Variants in RHBDF2 observed in about 807,000 individuals in gnomAD.
RHBDF2 encodes the protein rhomboid 5 homolog 2.
A neutral mutation model predicts 95.2 loss-of-function variants in RHBDF2; 38 were observed. That is an observed-to-expected ratio of 0.40 (90% CI 0.31 to 0.52). RHBDF2 has a LOEUF of 0.52. Ranked by LOEUF, RHBDF2 falls within the 20% of genes least tolerant of loss-of-function variation. RHBDF2 has a pLI of 0.56. For missense variants in RHBDF2, 863 were observed against 1,137.7 expected (o/e 0.76, Z 3.47); for synonymous variants, 442 against 462.0 (o/e 0.96, Z 0.55).
chr17:76,474,849 C>T (rs759597410), intron 10 of RHBDF2, 45 bp from the exon 11 acceptor site: 1 of 1,595,172 alleles, frequency 6.3e-7, no homozygotes, highest in Non-Finnish European at 8.6e-7. Flanking sequence ...ACAGTGTGGG[C>T]CCTGGGCATG....
At chr17:76,480,333 C>T (rs987688495) in intron 3 of RHBDF2, among the ~76,000 whole-genome samples, 15 of 150,700 alleles carry the variant, frequency 1.0e-4, no homozygotes, top group Non-Finnish European at 5.9e-5. Flanking sequence ...GTGATCTGGC[C>T]GCCTCGGCCT....
intron 1 of RHBDF2, among the ~76,000 whole-genome samples, chr17:76,493,502 G>A (rs2074357503): frequency 6.8e-6 from 1 of 146,590 alleles, no homozygotes; most frequent in South Asian, 2.2e-4. Flanking sequence ...CTGGCTGGGG[G>A]CCTGGGGGCA....
chr17:76,486,105 CACACACACACAT>C (rs1375187880), intron 2 of RHBDF2, among the ~76,000 whole-genome samples: 3 of 137,412 alleles, frequency 2.2e-5, no homozygotes, highest in Non-Finnish European at 4.9e-5. Flanking sequence ...CACACACACA[CACACACACACAT>C]ATAGTTTTTG....
chr17:76,488,778 CT>C (rs1598696012), intron 1 of RHBDF2, among the ~76,000 whole-genome samples: 3 of 152,132 alleles, frequency 2.0e-5, no homozygotes, highest in Non-Finnish European at 4.4e-5. Context: ...GAAACCCCAT[CT>C]CTACTAAAAA....
At chr17:76,478,613 C>T (rs1039416414) in intron 6 of RHBDF2, among the ~76,000 whole-genome samples, 193 bp downstream of exon 6, 2 of 152,168 alleles carry the variant, frequency 1.3e-5, no homozygotes, top group South Asian at 4.1e-4. Context: ...AGATTTAAGA[C>T]AGAAGGATGG....
chr17:76,474,631 A>AGG (rs1370554425), intron 11 of RHBDF2, 97 bp from the exon 12 acceptor site: 1 of 1,611,622 alleles, frequency 6.2e-7, no homozygotes, highest in East Asian at 2.2e-5. Flanking sequence ...TCCCCTGATG[A>AGG]GGGGCCTGCG....
intron 2 of RHBDF2, chr17:76,487,371 C>T (rs913784552): frequency 6.6e-6 from 1 of 152,340 alleles, no homozygotes; most frequent in African/African-American, 2.4e-5. Flanking sequence ...GCCTCAGCCT[C>T]CCAAGTAGCT....
intron 6 of RHBDF2, 21 bp downstream of exon 6, chr17:76,478,785 C>G: frequency 1.9e-6 from 3 of 1,599,444 alleles, no homozygotes; most frequent in Non-Finnish European, 2.6e-6. Flanking sequence ...GGTGGGGGCC[C>G]TGCAGGAGGG....
At position 76,471,537 on chromosome 17, in the gene RHBDF2, T is replaced by C. The variant is rs1215614953; in HGVS notation, c.*96A>G. 5.2e-6 allele frequency: 7 copies of C among 1,354,168 alleles called. No homozygotes were observed. The East Asian group carries it at 1.0e-4, about 20-fold the overall frequency. The allele number at this position is 1,354,168 out of a possible 1,614,324, so 83.9% of individuals were successfully genotyped here. A position where few individuals can be genotyped will look rare whatever the true frequency, so the allele number is the denominator to read the frequency against. Reference sequence around the variant, plus strand: ...GAGCCCGGGCCCTGTCTTGGGTCTCTGGCTCTCTGGCACACAGAGAGCGCT... The same window carrying C: ...GAGCCCGGGCCCTGTCTTGGGTCTCCGGCTCTCTGGCACACAGAGAGCGCT... On this transcript the variant is annotated 3_prime_UTR_variant, in exon 19 of 19. Coordinates refer to ENST00000675367, the MANE Select transcript of RHBDF2 (RefSeq NM_001005498.4).
chr17:76,478,752 G>A, intron 6 of RHBDF2, 54 bp downstream of exon 6: 3 of 1,468,158 alleles, frequency 2.0e-6, no homozygotes, highest in South Asian at 1.2e-5. Context: ...GAAGGGAGGG[G>A]CAAGGAAGGG....
rs907892477 is a variant in RHBDF2 at position 76,479,895 on chromosome 17, G to C, written c.151-41C>G. On this transcript the variant is annotated intron_variant, in intron 3 of 18. Transcript: ENST00000675367. ...GGGAGGGCAGGCGGTGGTGTGTGCA[G>C]CCCAGGTCCTGGGCTGGCTTTTCTT... is the stretch of plus-strand genomic sequence containing the variant. 7 of 1,607,946 alleles carry C rather than the reference G, an allele frequency of 4.4e-6. No individual in the cohort carries two copies. Among genetic ancestry groups the C allele is most frequent in the Middle Eastern group, 1.7e-4 (1 of 6,050 alleles).
intron 6 of RHBDF2, among the ~76,000 whole-genome samples, chr17:76,478,428 C>T (rs1194255166): frequency 6.6e-6 from 1 of 152,256 alleles, no homozygotes; most frequent in African/African-American, 2.4e-5. Context: ...GTGACCCTCA[C>T]CCTGGGCTGC....
At chr17:76,479,046 G>A (rs1242972583) in intron 5 of RHBDF2, 36 bp downstream of exon 5, 1 of 1,612,008 alleles carries the variant, frequency 6.2e-7, no homozygotes. Context: ...AGCCATTAGG[G>A]TCCCCACCCC....
rs146624660 is a variant in RHBDF2, at chr17:76,471,631, G to A, written c.*2C>T. ...CTGAGGGGCAGCCGTGTGGCCCAGC[G>A]GTCAGTGCAGCACCTGGTCCAGCTC... On this transcript the variant is annotated 3_prime_UTR_variant, in exon 19 of 19. Coordinates refer to ENST00000675367, the MANE Select transcript of RHBDF2 (RefSeq NM_001005498.4). 1.5e-5 allele frequency: 23 copies of A among 1,584,696 alleles called. No individual in the cohort carries two copies. Among genetic ancestry groups the A allele is most frequent in the Admixed American group, 3.4e-5 (2 of 58,310 alleles).
In RHBDF2 at chr17:76,478,843, G is replaced by C; in HGVS notation, c.635C>G (p.Ala212Gly). 1 of 1,613,588 alleles carries C rather than the reference G, an allele frequency of 6.2e-7. No homozygotes were observed. The highest frequency in any genetic ancestry group is 8.5e-7 in the Non-Finnish European group (1 of 1,179,830). ...HLPRRKRMSV[A>G]HMSLQAAAAL... ...AGCGGCAGCTTGCAAGCTCATGTGG[G>C]CCACAGACATTCTCTTGCGGCGTGG... The change falls in exon 6 of 19, where the codon GCC becomes GGC. Residue 212 changes from alanine (A) to glycine (G), a missense_variant. Ala to Gly is a moderately conservative substitution (Grantham distance 60). Coordinates refer to ENST00000675367, the MANE Select transcript of RHBDF2 (RefSeq NM_001005498.4).
Position 76,472,817 on chromosome 17 carries a change from C to T in RHBDF2, c.1933G>A (p.Val645Met). Reference sequence around the variant, plus strand: ...CTCAGGATGGTCATTTGAAAGACCACAGACACGAGGCAGTGCACCACGCTG... The same window carrying T: ...CTCAGGATGGTCATTTGAAAGACCATAGACACGAGGCAGTGCACCACGCTG... The part of the protein sequence containing the change: ...HAGVVHCLVS[V>M]VFQMTILRDL... Residue 645 changes from valine (V) to methionine (M), a missense_variant, in exon 18 of 19, where the codon GTG (valine) becomes ATG (methionine). This residue lies in a region of RHBDF2 where 252 missense variants were observed against 412.2 expected (regional missense o/e 0.61). Transcript: ENST00000675367. 6.3e-7 allele frequency: 1 copy of T among 1,599,058 alleles called. No individual in the cohort carries two copies. The highest frequency in any genetic ancestry group is 2.3e-5 in the East Asian group (1 of 44,114).
rs1177109276 is a variant in RHBDF2, at chr17:76,472,063, G to A, written c.2065-11C>T. 11 of 1,546,442 alleles carry A rather than the reference G, an allele frequency of 7.1e-6. No homozygotes were observed. Among genetic ancestry groups the A allele is most frequent in the Non-Finnish European group, 9.6e-6 (11 of 1,146,208 alleles). ...GCCGGCCGGGCCCACCTGGGGCGGG[G>A]CAGGGGAGACGTGGCTTCAGGCATC... On this transcript the variant is annotated splice_polypyrimidine_tract_variant and intron_variant, in intron 18 of 18. Coordinates refer to ENST00000675367, the MANE Select transcript of RHBDF2 (RefSeq NM_001005498.4).
chr17:76,475,672 C>T (rs2073751081), intron 9 of RHBDF2, among the ~76,000 whole-genome samples: 1 of 151,940 alleles, frequency 6.6e-6, no homozygotes, highest in Non-Finnish European at 1.5e-5. Flanking sequence ...AACCTTCGCC[C>T]CCAGGTTCAA....
intron 12 of RHBDF2, 26 bp from the exon 13 acceptor site, chr17:76,474,168 G>C: frequency 6.6e-7 from 1 of 1,511,060 alleles, no homozygotes; most frequent in Non-Finnish European, 9.0e-7. Context: ...AGGCTGGTGG[G>C]TCATGTCGGG....
Sources: allele counts gnomAD v4.1 joint callset (sites outside exome capture counted in the v4.1 genomes callset), GRCh38; gene constraint gnomAD v4.1.1; regional missense constraint gnomAD v4.1.1; transcripts MANE v1.5; gene names NCBI Gene and HGNC (gene_info 2026-07-23, HGNC 2026-07-21).